PACRG: variants seen among roughly 807,000 people sequenced by gnomAD.
PACRG encodes parkin coregulated gene protein.
PACRG carries 29 observed loss-of-function variants against 29.7 expected under a neutral mutation model. That is an observed-to-expected ratio of 0.98 (90% CI 0.73 to 1.33). The LOEUF (loss-of-function observed/expected upper bound fraction) is 1.33, where lower values mean the gene tolerates loss of function less well. PACRG is among the 40% of genes most tolerant of loss of function. PACRG has a pLI of 0.00. For missense variants in PACRG, 279 were observed against 316.2 expected (o/e 0.88, Z 0.89); for synonymous variants, 116 against 118.7 (o/e 0.98, Z 0.15).
At chr6:162,763,101 C>G (rs183041851) in intron 1 of PACRG, among the ~76,000 whole-genome samples, 1 of 152,290 alleles carries the variant, frequency 6.6e-6, no homozygotes, top group Admixed American at 6.5e-5. Context: ...TCCAGACTTT[C>G]AAATTTACAA....
chr6:162,947,471 A>ATCATATATATACTCATATATAATC, intron 2 of PACRG, among the ~76,000 whole-genome samples: 2 of 12,806 alleles, frequency 1.6e-4, no homozygotes, highest in Middle Eastern at 0.083. Flanking sequence ...ATCATATATA[A>ATCATATATATACTCATATATAATC]TATATATATA....
chr6:163,188,069 G>A (rs1002122949), intron 4 of PACRG, among the ~76,000 whole-genome samples: 3 of 152,184 alleles, frequency 2.0e-5, no homozygotes, highest in Non-Finnish European at 4.4e-5. Context: ...TACTTGTTGA[G>A]CTATGTTGGA....
chr6:163,102,107 G>T (rs943143387), intron 4 of PACRG, among the ~76,000 whole-genome samples: 2 of 152,146 alleles, frequency 1.3e-5, no homozygotes, highest in Non-Finnish European at 2.9e-5. Context: ...AAGGCCTGAG[G>T]GGTGAAGGAG....
chr6:163,186,312 A>C (rs531114309), intron 4 of PACRG, among the ~76,000 whole-genome samples: 2 of 152,056 alleles, frequency 1.3e-5, no homozygotes, highest in Non-Finnish European at 2.9e-5. Context: ...CAACATTCTC[A>C]TTGTCTCCAC....
At chr6:162,928,674 A>G (rs1797626178) in intron 2 of PACRG, among the ~76,000 whole-genome samples, 1 of 151,932 alleles carries the variant, frequency 6.6e-6, no homozygotes, top group Admixed American at 6.6e-5. Flanking sequence ...GTTGTATGCT[A>G]TAGTCACCCT....
chr6:163,260,945 A>G (rs1317861072), intron 4 of PACRG, among the ~76,000 whole-genome samples: 1 of 148,144 alleles, frequency 6.8e-6, no homozygotes, highest in Non-Finnish European at 1.5e-5. Context: ...TTTTTTTTTA[A>G]TATGGAAAAT....
intron 1 of PACRG, among the ~76,000 whole-genome samples, chr6:162,787,847 A>G (rs1467475354): frequency 6.6e-6 from 1 of 151,642 alleles, no homozygotes. Flanking sequence ...AAATTATTAA[A>G]GCTAGTCCAA....
chr6:162,762,791 G>A (rs1041213407), intron 1 of PACRG, among the ~76,000 whole-genome samples: 7 of 152,132 alleles, frequency 4.6e-5, no homozygotes, highest in African/African-American at 1.7e-4. Context: ...AAGCAGATTA[G>A]TTTTGCGTTT....
intron 4 of PACRG, among the ~76,000 whole-genome samples, chr6:163,166,775 G>A (rs1479940756): frequency 2.0e-5 from 3 of 152,280 alleles, no homozygotes; most frequent in African/African-American, 7.2e-5. Flanking sequence ...ATTCCATTTT[G>A]AATTAAGCAT....
chr6:163,024,630 G>A (rs2128223113), intron 2 of PACRG, among the ~76,000 whole-genome samples: 1 of 152,170 alleles, frequency 6.6e-6, no homozygotes, highest in African/African-American at 2.4e-5. Flanking sequence ...AAGTTTAATA[G>A]GAATATCATT....
At chr6:162,835,409 T>C (rs186689237) in intron 2 of PACRG, among the ~76,000 whole-genome samples, 5 of 152,248 alleles carry the variant, frequency 3.3e-5, no homozygotes, top group Admixed American at 3.3e-4. Context: ...TTGTAATTAA[T>C]AGTGAGGGAA....
chr6:163,275,988 T>TTTCCTTCC (rs750025768), intron 4 of PACRG, among the ~76,000 whole-genome samples: 20 of 139,608 alleles, frequency 1.4e-4, no homozygotes, highest in African/African-American at 4.5e-4. Flanking sequence ...TATTATTCTC[T>TTTCCTTCC]TTCCTTCCTT....
At chr6:162,931,401 C>A (rs1170908766) in intron 2 of PACRG, among the ~76,000 whole-genome samples, 1 of 151,794 alleles carries the variant, frequency 6.6e-6, no homozygotes, top group African/African-American at 2.4e-5. Context: ...ATTTGCCTAA[C>A]CCAAGGTCAC....
At chr6:163,261,425 C>G (rs1211511909) in intron 4 of PACRG, among the ~76,000 whole-genome samples, 2 of 152,106 alleles carry the variant, frequency 1.3e-5, no homozygotes, top group Admixed American at 6.5e-5. Context: ...CCCCCACCCC[C>G]TGAGGTGCTG....
intron 3 of PACRG, among the ~76,000 whole-genome samples, chr6:163,070,148 A>T (rs1020790819): frequency 6.6e-6 from 1 of 152,178 alleles, no homozygotes; most frequent in Admixed American, 6.5e-5. Context: ...GACCTGTCCT[A>T]CAAGAAATGC....
intron 2 of PACRG, among the ~76,000 whole-genome samples, chr6:162,962,683 A>G (rs1800728943): frequency 6.6e-6 from 1 of 152,216 alleles, no homozygotes; most frequent in South Asian, 2.1e-4. Flanking sequence ...CAGCATCTTG[A>G]TCTTGGACTT....
chr6:163,260,459 G>A (rs760849773), intron 4 of PACRG, among the ~76,000 whole-genome samples: 2 of 152,206 alleles, frequency 1.3e-5, no homozygotes, highest in Non-Finnish European at 2.9e-5. Context: ...TCTACCCACA[G>A]CTCAGCAACT....
chr6:162,961,060 G>T (rs2128143993), intron 2 of PACRG, among the ~76,000 whole-genome samples: 1 of 152,286 alleles, frequency 6.6e-6, no homozygotes, highest in Admixed American at 6.5e-5. Flanking sequence ...TTACCTTGCT[G>T]TTTGAATTTT....
chr6:162,855,784 C>G (rs1179378311), intron 2 of PACRG, among the ~76,000 whole-genome samples: 3 of 152,168 alleles, frequency 2.0e-5, no homozygotes, highest in East Asian at 1.9e-4. Flanking sequence ...ACTGGAGATG[C>G]CTCCATAGGG....
Sources: allele counts gnomAD v4.1 joint callset (sites outside exome capture counted in the v4.1 genomes callset), GRCh38; gene constraint gnomAD v4.1.1; transcripts MANE v1.5; gene names NCBI Gene and HGNC (gene_info 2026-07-23, HGNC 2026-07-21).